The following TMEM38B variants were observed in gnomAD, a reference collection of about 807,000 sequenced individuals.
TMEM38B encodes the protein trimeric intracellular cation channel type B.
TMEM38B carries 24 observed loss-of-function variants against 28.7 expected under a neutral mutation model. The ratio of observed to expected loss-of-function variants is 0.84; its 90% CI spans 0.61 to 1.18. The LOEUF (loss-of-function observed/expected upper bound fraction) is 1.18. Ranked by LOEUF, TMEM38B falls within the 50% of genes most tolerant of loss-of-function variation. TMEM38B has a pLI of 0.00. For missense variants in TMEM38B, 380 were observed against 350.9 expected, an observed-to-expected ratio of 1.08 and a Z score of -0.66; for synonymous variants, 131 against 127.7, an observed-to-expected ratio of 1.03 and a Z score of -0.17.
In TMEM38B at chr9:105,721,557, C is replaced by T. The variant is rs547699490; in HGVS notation, c.290C>T (p.Pro97Leu). Residue 97 changes from proline (P) to leucine (L), a missense_variant, in exon 3 of 6, where the codon CCG becomes CTG. Pro to Leu is a moderately conservative substitution (Grantham distance 98, BLOSUM62 -3). Coordinates refer to ENST00000374692, the MANE Select transcript of TMEM38B (RefSeq NM_018112.3). ...SSIWYITFFC[P>L]HDLVSQGYSY... ...TTCAGGTATATTACATTTTTTTGCC[C>T]GCATGACCTAGTTTCCCAGGGCTAT... 50 of 1,593,788 alleles carry T rather than the reference C, an allele frequency of 3.1e-5. No homozygotes were observed. The highest frequency in any genetic ancestry group is 2.7e-4 in the African/African-American group (20 of 73,708).
intron 1 of TMEM38B, among the ~76,000 whole-genome samples, chr9:105,704,041 A>G (rs552210448): frequency 1.9e-4 from 26 of 137,470 alleles, no homozygotes; most frequent in Non-Finnish European, 3.4e-4. Flanking sequence ...ATGAGATCAC[A>G]TGGACACAGA....
intron 5 of TMEM38B, among the ~76,000 whole-genome samples, chr9:105,768,459 C>T (rs1272313018): frequency 4.0e-5 from 6 of 151,874 alleles, no homozygotes; most frequent in Non-Finnish European, 8.8e-5. Context: ...AATAATTTCT[C>T]TAATCTCTGA....
At chr9:105,742,095 A>T (rs1837227488) in intron 4 of TMEM38B, among the ~76,000 whole-genome samples, 2 of 149,752 alleles carry the variant, frequency 1.3e-5, no homozygotes, top group Admixed American at 1.3e-4. Context: ...GCCAGCTTGG[A>T]CTGAAAGGAG....
intron 2 of TMEM38B, 50 bp from the exon 3 acceptor site, chr9:105,721,487 T>C: frequency 7.6e-7 from 1 of 1,319,830 alleles, no homozygotes; most frequent in Non-Finnish European, 1.0e-6. Context: ...TTTTAATTTC[T>C]GTTCTTCTGA....
At chr9:105,744,382 A>C (rs1356145001) in intron 4 of TMEM38B, among the ~76,000 whole-genome samples, 1 of 152,004 alleles carries the variant, frequency 6.6e-6, no homozygotes. Context: ...TGCCATTTTT[A>C]ACTTAGAACG....
chr9:105,770,184 T>G (rs1023668418), intron 5 of TMEM38B, among the ~76,000 whole-genome samples: 23 of 152,270 alleles, frequency 1.5e-4, no homozygotes, highest in African/African-American at 5.3e-4. Context: ...GGGATATGAA[T>G]GATTATATAA....
intron 5 of TMEM38B, among the ~76,000 whole-genome samples, chr9:105,751,503 G>T (rs567254948): frequency 2.1e-4 from 32 of 152,172 alleles, no homozygotes; most frequent in Non-Finnish European, 4.4e-4. Context: ...TATATACTCT[G>T]GCCCTGGAGT....
rs1838173835 is a variant in TMEM38B at position 105,764,209 on chromosome 9, A to G, written c.661-9656A>G. Among the ~76,000 whole-genome samples, 4 of 152,138 alleles carry G rather than the reference A, an allele frequency of 2.6e-5. No individual in the cohort carries two copies. The South Asian group carries it at 8.3e-4, about 32-fold the overall frequency. On this transcript the variant is annotated intron_variant, in intron 5 of 5. Transcript: ENST00000374692. ...CCCTCTCTCACCACTCCTATTCAACATAGTGTTGGAAGTTCTGGCTAGGGC... is the reference window on the plus strand; with the variant it reads ...CCCTCTCTCACCACTCCTATTCAACGTAGTGTTGGAAGTTCTGGCTAGGGC...
intron 1 of TMEM38B, among the ~76,000 whole-genome samples, chr9:105,698,684 G>T (rs1026706252): frequency 1.3e-5 from 2 of 151,982 alleles, no homozygotes; most frequent in African/African-American, 2.4e-5. Context: ...GAGCCTATTA[G>T]GTTATTTTAT....
At chr9:105,722,346 G>A (rs965662518) in intron 3 of TMEM38B, among the ~76,000 whole-genome samples, 188 bp from the exon 4 acceptor site, 1 of 152,134 alleles carries the variant, frequency 6.6e-6, no homozygotes, top group African/African-American at 2.4e-5. Flanking sequence ...TGACATGCTG[G>A]TGAAAGGGAA....
intron 1 of TMEM38B, among the ~76,000 whole-genome samples, chr9:105,698,494 T>C (rs560940492): frequency 2.0e-5 from 3 of 152,230 alleles, no homozygotes; most frequent in African/African-American, 7.2e-5. Flanking sequence ...ATTGAGATCA[T>C]ATTGTGTTTC....
chr9:105,773,968 A>C lies in TMEM38B; in HGVS notation c.764A>C (p.Glu255Ala). The C allele has an allele frequency of 6.2e-7, 1 of 1,613,800 alleles. No homozygotes were observed. The highest frequency in any genetic ancestry group is 1.3e-5 in the African/African-American group (1 of 75,044). ...TGGCAGCAGCCGTTTTCATCATGTGAGAAGAAAAGTGAAGCAAAGTCACCT... is the reference window on the plus strand; with the variant it reads ...TGGCAGCAGCCGTTTTCATCATGTGCGAAGAAAAGTGAAGCAAAGTCACCT... ...FGWQQPFSSCEKKSEAKSPSN... is the reference protein window; with the variant it reads ...FGWQQPFSSCAKKSEAKSPSN... Residue 255 changes from glutamate (E) to alanine (A), a missense_variant, in exon 6 of 6, where the codon GAG becomes GCG. Coordinates refer to ENST00000374692, the MANE Select transcript of TMEM38B (RefSeq NM_018112.3).
At chr9:105,723,811 G>A (rs1012751986) in intron 4 of TMEM38B, among the ~76,000 whole-genome samples, 28 of 152,090 alleles carry the variant, frequency 1.8e-4, no homozygotes, top group African/African-American at 6.8e-4. Context: ...TTACAGGCAT[G>A]AGCCACTGTG....
At chr9:105,759,833 A>G in intron 5 of TMEM38B, 2 of 1,601,174 alleles carry the variant, frequency 1.2e-6, no homozygotes, top group Non-Finnish European at 1.7e-6. Context: ...AAGTCAAAAC[A>G]GCTTTGTAGG....
At chr9:105,773,755 C>T in intron 5 of TMEM38B, 110 bp from the exon 6 acceptor site, 5 of 980,714 alleles carry the variant, frequency 5.1e-6, no homozygotes, top group Non-Finnish European at 7.5e-6. Context: ...GATTGCTTCC[C>T]CTGCAGATTA....
intron 2 of TMEM38B, among the ~76,000 whole-genome samples, chr9:105,719,151 TCA>T: frequency 6.6e-6 from 1 of 152,332 alleles, no homozygotes; most frequent in African/African-American, 2.4e-5. Flanking sequence ...AATTCTACTC[TCA>T]CTTTTTCTTA....
chr9:105,770,195 A>G (rs929587631), intron 5 of TMEM38B, among the ~76,000 whole-genome samples: 5 of 152,182 alleles, frequency 3.3e-5, no homozygotes, highest in African/African-American at 9.6e-5. Context: ...GATTATATAA[A>G]CATTGAATAA....
At chr9:105,772,664 A>T (rs527912238) in intron 5 of TMEM38B, among the ~76,000 whole-genome samples, 101 of 151,468 alleles carry the variant, frequency 6.7e-4, no homozygotes, top group South Asian at 4.2e-4. Flanking sequence ...ATTTAAAAAA[A>T]TTTTTTTTTT....
chr9:105,705,831 C>T, intron 2 of TMEM38B, 78 bp downstream of exon 2: 2 of 1,428,760 alleles, frequency 1.4e-6, no homozygotes, highest in Non-Finnish European at 9.4e-7. Context: ...ATTTTTTTTT[C>T]TTTGAACAAT....
Sources: gnomAD v4.1 joint callset for allele counts (sites outside exome capture counted in the v4.1 genomes callset) on GRCh38, gnomAD v4.1.1 for gene constraint, MANE v1.5 for transcripts, NCBI Gene and HGNC (gene_info 2026-07-23, HGNC 2026-07-21) for gene names.